The following SHLD2 variants were observed in gnomAD, a reference collection of about 807,000 sequenced individuals.
SHLD2 encodes the protein RINN1-REV7-interacting novel NHEJ regulator 2.
SHLD2 carries 30 observed loss-of-function variants against 73.2 expected under a neutral mutation model. That is an observed-to-expected ratio of 0.41 (90% confidence interval 0.31 to 0.56). The LOEUF (loss-of-function observed/expected upper bound fraction) is 0.56, where lower values mean the gene tolerates loss of function less well. Among genes scored for constraint, SHLD2 ranks in the 20% least tolerant of loss-of-function variants. SHLD2 has a pLI of 0.28. For missense variants in SHLD2, 745 were observed against 1,055.9 expected (o/e 0.71, Z 4.08); for synonymous variants, 285 against 370.1 (o/e 0.77, Z 2.64).
chr10:87,102,784 CA>C (rs1292238865), intron 2 of SHLD2, among the ~76,000 whole-genome samples: 4 of 152,164 alleles, frequency 2.6e-5, no homozygotes, highest in African/African-American at 9.7e-5. Context: ...AGGCTGGTCT[CA>C]TGCGATTCTC....
At chr10:87,133,340 C>T (rs878984293) in intron 2 of SHLD2, among the ~76,000 whole-genome samples, 6 of 152,146 alleles carry the variant, frequency 3.9e-5, no homozygotes, top group Admixed American at 1.3e-4. Context: ...TGAAATCCTA[C>T]GATTTACTGT....
chr10:87,136,250 AGTGTATGTGT>A (rs1157519087), intron 2 of SHLD2, among the ~76,000 whole-genome samples: 2 of 151,934 alleles, frequency 1.3e-5, no homozygotes, highest in South Asian at 2.1e-4. Flanking sequence ...TACCACTGTC[AGTGTATGTGT>A]GTGTATGTGT....
At chr10:87,122,045 G>A (rs1843665764) in intron 2 of SHLD2, among the ~76,000 whole-genome samples, 2 of 151,648 alleles carry the variant, frequency 1.3e-5, no homozygotes, top group South Asian at 4.1e-4. Flanking sequence ...GATTACAGGC[G>A]TGAGCCACTG....
intron 4 of SHLD2, among the ~76,000 whole-genome samples, chr10:87,168,603 AAAAT>A (rs568848026): frequency 2.7e-5 from 4 of 149,404 alleles, no homozygotes; most frequent in Non-Finnish European, 5.9e-5. Context: ...TGTCTCAAAA[AAAAT>A]AAATAAATAA....
At chr10:87,134,071 G>A (rs1844622462) in intron 2 of SHLD2, among the ~76,000 whole-genome samples, 1 of 152,208 alleles carries the variant, frequency 6.6e-6, no homozygotes, top group African/African-American at 2.4e-5. Flanking sequence ...TCTTTAGATA[G>A]TGTAATACAG....
intron 8 of SHLD2, among the ~76,000 whole-genome samples, chr10:87,183,900 C>T (rs1031852189): frequency 3.9e-5 from 6 of 152,214 alleles, no homozygotes; most frequent in African/African-American, 9.7e-5. Context: ...CTTGAGCTCT[C>T]GTCTGCGTCC....
intron 2 of SHLD2, among the ~76,000 whole-genome samples, chr10:87,149,436 G>T (rs972592652): frequency 6.6e-6 from 1 of 151,774 alleles, no homozygotes; most frequent in Admixed American, 6.6e-5. Flanking sequence ...TTAAAGAGAG[G>T]GTCTCGCCAG....
At chr10:87,140,544 C>G (rs1285358036) in intron 2 of SHLD2, among the ~76,000 whole-genome samples, 1 of 150,928 alleles carries the variant, frequency 6.6e-6, no homozygotes, top group Non-Finnish European at 1.5e-5. Flanking sequence ...TCAAGACCAG[C>G]TTGGGCAATT....
chr10:87,119,672 G>A (rs1334831762), intron 2 of SHLD2, among the ~76,000 whole-genome samples: 7 of 151,930 alleles, frequency 4.6e-5, no homozygotes, highest in Admixed American at 1.3e-4. Context: ...CAACTACTCG[G>A]AAGGCTGAGG....
At chr10:87,168,942 G>A (rs1847396153) in intron 4 of SHLD2, among the ~76,000 whole-genome samples, 2 of 152,132 alleles carry the variant, frequency 1.3e-5, no homozygotes, top group South Asian at 4.2e-4. Flanking sequence ...AAAGACTTCT[G>A]TTCTTTCATC....
At chr10:87,119,470 A>G (rs1407138636) in intron 2 of SHLD2, among the ~76,000 whole-genome samples, 1 of 151,930 alleles carries the variant, frequency 6.6e-6, no homozygotes, top group Admixed American at 6.6e-5. Flanking sequence ...GTTCAAAATC[A>G]TGTGTATAGG....
chr10:87,167,629 G>A (rs1396191271), intron 4 of SHLD2, among the ~76,000 whole-genome samples: 5 of 152,010 alleles, frequency 3.3e-5, no homozygotes, highest in African/African-American at 1.2e-4. Flanking sequence ...TGAAAAGTGG[G>A]ACCTAATAAT....
chr10:87,144,260 A>G (rs1289562839), intron 2 of SHLD2, among the ~76,000 whole-genome samples: 2 of 152,180 alleles, frequency 1.3e-5, no homozygotes, highest in Non-Finnish European at 2.9e-5. Context: ...CCCTGGAACA[A>G]GAGTGAAAGG....
intron 8 of SHLD2, 28 bp downstream of exon 8, chr10:87,180,331 T>C: frequency 1.3e-6 from 2 of 1,594,860 alleles, no homozygotes; most frequent in Non-Finnish European, 1.7e-6. Context: ...GCCAATTTGA[T>C]GGAAAATAAT....
Position 87,171,695 on chromosome 10 carries a change from G to A in SHLD2, c.1963+721G>A, listed in dbSNP as rs1847602837. ...GTATATTATTATTTTTTACCTGAAA[G>A]AGTTAATGTCTCTCCAAACTTCTGC... On this transcript the variant is annotated intron_variant, in intron 6 of 9. Transcript: ENST00000298786. Among the ~76,000 whole-genome samples the A allele has an allele frequency of 2.0e-5, 3 of 152,182 alleles. No individual in the cohort carries two copies. The South Asian group carries it at 6.2e-4, about 32-fold the overall frequency.
At chr10:87,160,985 TC>T (rs1846769491) in intron 4 of SHLD2, among the ~76,000 whole-genome samples, 1 of 129,144 alleles carries the variant, frequency 7.7e-6, no homozygotes. Context: ...AGATTCGGTC[TC>T]CAAAAAAAAA....
intron 2 of SHLD2, among the ~76,000 whole-genome samples, chr10:87,102,942 T>TCCA (rs938287984): frequency 2.6e-5 from 4 of 152,054 alleles, no homozygotes; most frequent in Admixed American, 2.6e-4. Flanking sequence ...CTGGGCGTGG[T>TCCA]GGCTCGCTCC....
chr10:87,140,430 A>G, intron 2 of SHLD2, among the ~76,000 whole-genome samples: 1 of 151,426 alleles, frequency 6.6e-6, no homozygotes, highest in African/African-American at 2.4e-5. Flanking sequence ...AAAAAAAAAA[A>G]AAAAAGAAAA....
intron 2 of SHLD2, among the ~76,000 whole-genome samples, chr10:87,100,131 T>C (rs1842170289): frequency 6.6e-6 from 1 of 152,250 alleles, no homozygotes; most frequent in Non-Finnish European, 1.5e-5. Flanking sequence ...TTATAAATGT[T>C]TTCTTTCGAT....
Sources: gnomAD v4.1 joint callset for allele counts (sites outside exome capture counted in the v4.1 genomes callset) on GRCh38, gnomAD v4.1.1 for gene constraint, MANE v1.5 for transcripts, NCBI Gene and HGNC (gene_info 2026-07-23, HGNC 2026-07-21) for gene names.